The following CLSTN2 variants were observed in gnomAD, a reference collection of about 807,000 sequenced individuals.
The protein encoded by CLSTN2 is calsyntenin-2.
In CLSTN2, 48 loss-of-function variants were observed where a neutral mutation model predicts 101.2. The ratio of observed to expected loss-of-function variants is 0.47; its 90% CI spans 0.38 to 0.60. The LOEUF (loss-of-function observed/expected upper bound fraction) is 0.60, where lower values mean the gene tolerates loss of function less well. CLSTN2 is among the 20% of genes least tolerant of loss of function. The probability of loss-of-function intolerance (pLI) is 0.00; values close to 1 mark genes in which losing one functional copy is unlikely to be tolerated. For synonymous variants in CLSTN2, 481 were observed against 463.6 expected, an observed-to-expected ratio of 1.04 and a Z score of -0.48; for missense variants, 1,160 against 1,238.2, an observed-to-expected ratio of 0.94 and a Z score of 0.95.
intron 2 of CLSTN2, among the ~76,000 whole-genome samples, chr3:140,302,607 G>A (rs752342934): frequency 1.3e-5 from 2 of 152,218 alleles, no homozygotes; most frequent in African/African-American, 2.4e-5. Flanking sequence ...AGCAAAACAC[G>A]TGTGGCTAAA....
At chr3:140,038,520 T>C (rs749141984) in intron 1 of CLSTN2, among the ~76,000 whole-genome samples, 3 of 152,218 alleles carry the variant, frequency 2.0e-5, no homozygotes, top group Non-Finnish European at 4.4e-5. Flanking sequence ...ATATTTTCTT[T>C]CGGTGTGCAG....
chr3:140,203,451 G>C (rs1055371262), intron 2 of CLSTN2, among the ~76,000 whole-genome samples: 5 of 133,892 alleles, frequency 3.7e-5, no homozygotes, highest in Non-Finnish European at 7.9e-5. Context: ...GGGGTTAAGA[G>C]AAAGTGTGGG....
chr3:140,411,936 G>A (rs922925292), intron 4 of CLSTN2, among the ~76,000 whole-genome samples: 1 of 152,214 alleles, frequency 6.6e-6, no homozygotes, highest in Non-Finnish European at 1.5e-5. Context: ...CAGGCTGGTA[G>A]AGAAAAACAG....
intron 1 of CLSTN2, among the ~76,000 whole-genome samples, chr3:140,097,811 T>A (rs1257738356): frequency 6.6e-6 from 1 of 152,172 alleles, no homozygotes; most frequent in African/African-American, 2.4e-5. Flanking sequence ...AGTAAGTGAT[T>A]TAAGATTAGG....
chr3:140,126,203 T>C (rs764143354), intron 1 of CLSTN2, among the ~76,000 whole-genome samples: 16 of 152,032 alleles, frequency 1.1e-4, no homozygotes, highest in Non-Finnish European at 2.2e-4. Flanking sequence ...CTCATGGATG[T>C]TTAAGTCTGC....
intron 2 of CLSTN2, among the ~76,000 whole-genome samples, chr3:140,377,085 C>A (rs2087925976): frequency 6.7e-6 from 1 of 148,264 alleles, no homozygotes; most frequent in African/African-American, 2.5e-5. Flanking sequence ...TTTTGGTCAA[C>A]AACAGACCAC....
chr3:140,432,077 G>A (rs2107998554), intron 5 of CLSTN2, among the ~76,000 whole-genome samples: 1 of 152,198 alleles, frequency 6.6e-6, no homozygotes, highest in East Asian at 1.9e-4. Flanking sequence ...TAAGCATCAT[G>A]TCCTGGATTT....
At chr3:140,030,305 C>G (rs2007519710) in intron 1 of CLSTN2, among the ~76,000 whole-genome samples, 1 of 152,076 alleles carries the variant, frequency 6.6e-6, no homozygotes, top group Admixed American at 6.5e-5. Context: ...GTAGCTTCCC[C>G]AATGTTATAC....
At chr3:140,426,924 T>A (rs1028881934) in intron 5 of CLSTN2, among the ~76,000 whole-genome samples, 1 of 151,980 alleles carries the variant, frequency 6.6e-6, no homozygotes, top group Non-Finnish European at 1.5e-5. Context: ...CCTGTAATCC[T>A]AGCACTTTGG....
At chr3:140,523,868 C>A (rs1291103365) in intron 8 of CLSTN2, among the ~76,000 whole-genome samples, 1 of 152,216 alleles carries the variant, frequency 6.6e-6, no homozygotes, top group East Asian at 1.9e-4. Flanking sequence ...ACACTCACAT[C>A]AAAGCCCTCT....
intron 2 of CLSTN2, among the ~76,000 whole-genome samples, chr3:140,343,161 T>C (rs1004600461): frequency 6.6e-6 from 1 of 152,126 alleles, no homozygotes; most frequent in African/African-American, 2.4e-5. Context: ...GGCTCTTGGC[T>C]CTTATCTCCC....
intron 5 of CLSTN2, among the ~76,000 whole-genome samples, chr3:140,431,078 C>T (rs1017592590): frequency 6.6e-6 from 1 of 152,132 alleles, no homozygotes; most frequent in Admixed American, 6.5e-5. Context: ...TTTTCAGTTA[C>T]CTTATCTATA....
chr3:140,438,690 G>A (rs2088713389), intron 5 of CLSTN2, among the ~76,000 whole-genome samples: 1 of 152,114 alleles, frequency 6.6e-6, no homozygotes, highest in East Asian at 1.9e-4. Context: ...CCTGGAAGAT[G>A]CTCATGTTTA....
At chr3:140,237,976 A>T (rs2086431249) in intron 2 of CLSTN2, among the ~76,000 whole-genome samples, 1 of 152,314 alleles carries the variant, frequency 6.6e-6, no homozygotes, top group Middle Eastern at 3.4e-3. Flanking sequence ...AAATCAAGTC[A>T]AAATCTTAAT....
intron 8 of CLSTN2, among the ~76,000 whole-genome samples, chr3:140,481,733 T>G (rs964018337): frequency 9.1e-4 from 138 of 152,166 alleles, no homozygotes; most frequent in African/African-American, 2.0e-3. Context: ...GTTCACTCAT[T>G]ATTTGGCTCT....
intron 16 of CLSTN2, among the ~76,000 whole-genome samples, 167 bp from the exon 17 acceptor site, chr3:140,565,886 G>A (rs1324764073): frequency 6.6e-6 from 1 of 152,152 alleles, no homozygotes; most frequent in Non-Finnish European, 1.5e-5. Context: ...CTTTTTACCA[G>A]AAGACTTCCC....
chr3:140,068,544 A>G (rs2008338515), intron 1 of CLSTN2, among the ~76,000 whole-genome samples: 1 of 152,216 alleles, frequency 6.6e-6, no homozygotes, highest in African/African-American at 2.4e-5. Flanking sequence ...TTTTTCCACT[A>G]AAGAACAATG....
intron 1 of CLSTN2, among the ~76,000 whole-genome samples, chr3:140,064,333 A>G (rs2008261955): frequency 6.6e-6 from 1 of 152,188 alleles, no homozygotes. Context: ...AATTATCACT[A>G]AAGTTTTAGG....
intron 2 of CLSTN2, among the ~76,000 whole-genome samples, chr3:140,295,302 G>T (rs1309080388): frequency 1.3e-5 from 2 of 151,908 alleles, no homozygotes; most frequent in African/African-American, 2.4e-5. Context: ...TTTTCCTTAT[G>T]GCTTTGAAAT....
Sources: allele counts gnomAD v4.1 joint callset (sites outside exome capture counted in the v4.1 genomes callset), GRCh38; gene constraint gnomAD v4.1.1; transcripts MANE v1.5; gene names NCBI Gene and HGNC (gene_info 2026-07-23, HGNC 2026-07-21).